RABGAP1L: variants seen among roughly 807,000 people sequenced by gnomAD.
RABGAP1L encodes rab GTPase-activating protein 1-like.
Under a neutral mutation model 137.7 loss-of-function variants are expected in RABGAP1L, and 63 were observed. The observed-to-expected ratio is 0.46, with a 90% CI of 0.37 to 0.56. RABGAP1L has a LOEUF of 0.56. Ranked by LOEUF, RABGAP1L falls within the 20% of genes least tolerant of loss-of-function variation. The probability of loss-of-function intolerance (pLI) is 0.00; values close to 1 mark genes in which losing one functional copy is unlikely to be tolerated. For synonymous variants in RABGAP1L, 431 were observed against 433.7 expected, an observed-to-expected ratio of 0.99 and a Z score of 0.08; for missense variants, 1,095 against 1,244.0, an observed-to-expected ratio of 0.88 and a Z score of 1.80.
intron 13 of RABGAP1L, among the ~76,000 whole-genome samples, chr1:174,424,798 A>G (rs1438486406): frequency 6.6e-6 from 1 of 152,038 alleles, no homozygotes; most frequent in African/African-American, 2.4e-5. Context: ...ATCATTCATG[A>G]CACAATTTAT....
At chr1:174,720,608 T>A (rs1681445100) in intron 17 of RABGAP1L, among the ~76,000 whole-genome samples, 1 of 152,096 alleles carries the variant, frequency 6.6e-6, no homozygotes, top group South Asian at 2.1e-4. Flanking sequence ...GAGCCACCGG[T>A]CCCGGCTGGT....
intron 1 of RABGAP1L, among the ~76,000 whole-genome samples, chr1:174,196,483 C>T (rs1667701138): frequency 6.6e-6 from 1 of 151,974 alleles, no homozygotes; most frequent in East Asian, 1.9e-4. Flanking sequence ...CTCGGCCTCC[C>T]GAAGTGCTGG....
At chr1:174,401,051 T>C (rs1648518863) in intron 13 of RABGAP1L, among the ~76,000 whole-genome samples, 1 of 152,078 alleles carries the variant, frequency 6.6e-6, no homozygotes, top group Non-Finnish European at 1.5e-5. Context: ...GACCAACTGA[T>C]AACCTCAATC....
intron 19 of RABGAP1L, among the ~76,000 whole-genome samples, chr1:174,860,604 T>A (rs1418062370): frequency 6.6e-6 from 1 of 152,216 alleles, no homozygotes; most frequent in East Asian, 1.9e-4. Flanking sequence ...TCCACAGTAA[T>A]TTTCCCTTCG....
At chr1:174,535,931 T>G (rs1362281765) in intron 13 of RABGAP1L, among the ~76,000 whole-genome samples, 1 of 152,132 alleles carries the variant, frequency 6.6e-6, no homozygotes, top group Non-Finnish European at 1.5e-5. Flanking sequence ...TTTTCTTCAG[T>G]TTTATTCTGT....
intron 3 of RABGAP1L, among the ~76,000 whole-genome samples, chr1:174,222,671 C>T (rs1225305249): frequency 2.0e-5 from 3 of 152,036 alleles, no homozygotes; most frequent in African/African-American, 7.2e-5. Context: ...TATATTGAAA[C>T]AGGAGCAGTT....
intron 17 of RABGAP1L, among the ~76,000 whole-genome samples, chr1:174,724,703 A>G (rs1681847427): frequency 1.3e-5 from 2 of 152,206 alleles, no homozygotes; most frequent in South Asian, 4.1e-4. Flanking sequence ...TTGCATCTAT[A>G]GTGCTAATAC....
intron 13 of RABGAP1L, among the ~76,000 whole-genome samples, chr1:174,442,636 A>C (rs1298100637): frequency 6.6e-6 from 1 of 152,158 alleles, no homozygotes; most frequent in African/African-American, 2.4e-5. Flanking sequence ...TATGGGGTAC[A>C]TGTGATATTT....
intron 13 of RABGAP1L, chr1:174,449,272 C>T: frequency 7.9e-7 from 1 of 1,269,232 alleles, no homozygotes; most frequent in Non-Finnish European, 1.1e-6. Flanking sequence ...TGGAAATTTG[C>T]CATCAGAGAA....
intron 11 of RABGAP1L, among the ~76,000 whole-genome samples, chr1:174,338,213 G>A (rs1056263862): frequency 2.0e-5 from 3 of 152,084 alleles, no homozygotes; most frequent in Non-Finnish European, 2.9e-5. Flanking sequence ...TTAAAGCTCT[G>A]AAATACAAAA....
intron 13 of RABGAP1L, among the ~76,000 whole-genome samples, chr1:174,540,793 A>G (rs1267952258): frequency 6.6e-6 from 1 of 152,186 alleles, no homozygotes; most frequent in Non-Finnish European, 1.5e-5. Flanking sequence ...TTTTGGTTGC[A>G]TATGAACTTT....
chr1:174,567,023 T>C (rs140152227), intron 13 of RABGAP1L, among the ~76,000 whole-genome samples: 2 of 152,318 alleles, frequency 1.3e-5, no homozygotes, highest in East Asian at 1.9e-4. Flanking sequence ...TGTATACATA[T>C]TGTATACTGA....
intron 17 of RABGAP1L, among the ~76,000 whole-genome samples, chr1:174,732,199 C>CT (rs1174848074): frequency 2.6e-4 from 26 of 100,060 alleles, no homozygotes; most frequent in African/African-American, 1.3e-3. Context: ...CCCCATCCCC[C>CT]CCAAAAAAAA....
At chr1:174,938,045 G>C (rs1028566507) in intron 19 of RABGAP1L, among the ~76,000 whole-genome samples, 1 of 133,474 alleles carries the variant, frequency 7.5e-6, no homozygotes, top group Admixed American at 7.7e-5. Flanking sequence ...TTTCCCTTGA[G>C]CTAAAAGCAT....
Position 174,371,061 on chromosome 1 carries a change from G to A in RABGAP1L, c.1548G>A (p.Leu516=), listed in dbSNP as rs940298216. ...PEKILYSWGE[L]LGKWHSNLGA... The stretch of plus-strand genomic sequence containing the variant: ...AGATCCTGTATTCTTGGGGAGAGTT[G>A]CTAGGAAAATGGTAAAATTTTATTT... Residue 516 remains leucine, a synonymous_variant, in exon 12 of 26, where the codon TTG becomes TTA. Coordinates refer to ENST00000681986, the MANE Select transcript of RABGAP1L (RefSeq NM_001366446.1). 2.0e-6 allele frequency: 3 copies of A among 1,489,564 alleles called. No individual in the cohort carries two copies. The highest frequency in any genetic ancestry group is 1.7e-5 in the Admixed American group (1 of 58,904). 92.3% of individuals were successfully genotyped at this position (1,489,564 alleles called of 1,614,324 possible). A position where few individuals can be genotyped will look rare whatever the true frequency, so the allele number is the denominator to read the frequency against.
chr1:174,703,521 C>T (rs1679820399), intron 17 of RABGAP1L, among the ~76,000 whole-genome samples: 1 of 152,144 alleles, frequency 6.6e-6, no homozygotes, highest in African/African-American at 2.4e-5. Context: ...TGCATCTTTG[C>T]TATTATAAAT....
intron 13 of RABGAP1L, among the ~76,000 whole-genome samples, chr1:174,414,413 A>T (rs1272745806): frequency 6.6e-6 from 1 of 151,728 alleles, no homozygotes; most frequent in Admixed American, 6.6e-5. Context: ...CGGTTGTATG[A>T]CTTTTAGTTG....
chr1:174,739,134 C>A (rs982199723), intron 17 of RABGAP1L, among the ~76,000 whole-genome samples: 1 of 152,098 alleles, frequency 6.6e-6, no homozygotes, highest in Non-Finnish European at 1.5e-5. Flanking sequence ...TTATCTGCCT[C>A]CATTAGATAG....
At chr1:174,463,264 A>G (rs1404483136) in intron 13 of RABGAP1L, among the ~76,000 whole-genome samples, 3 of 152,228 alleles carry the variant, frequency 2.0e-5, no homozygotes, top group Admixed American at 6.5e-5. Flanking sequence ...AACTAACCCA[A>G]ATGTCCAACA....
Sources: allele counts gnomAD v4.1 joint callset (sites outside exome capture counted in the v4.1 genomes callset), GRCh38; gene constraint gnomAD v4.1.1; transcripts MANE v1.5; gene names NCBI Gene and HGNC (gene_info 2026-07-23, HGNC 2026-07-21).